The following RASAL2 variants were observed in gnomAD, a reference collection of about 807,000 sequenced individuals.
RASAL2 encodes ras GTPase-activating protein nGAP.
In RASAL2, 58 loss-of-function variants were observed where a neutral mutation model predicts 128.9. The observed-to-expected ratio is 0.45, with a 90% CI of 0.36 to 0.56. RASAL2 has a LOEUF of 0.56. RASAL2 is among the 20% of genes least tolerant of loss of function. RASAL2 has a pLI of 0.00. For synonymous variants in RASAL2, 561 were observed against 580.8 expected (o/e 0.97, Z 0.49); for missense variants, 1,360 against 1,601.6 (o/e 0.85, Z 2.57).
At chr1:178,355,744 G>A (rs1050808438) in intron 3 of RASAL2, among the ~76,000 whole-genome samples, 11 of 152,112 alleles carry the variant, frequency 7.2e-5, no homozygotes, top group African/African-American at 2.7e-4. Flanking sequence ...CAAGCATCCC[G>A]ACAAATTGAG....
chr1:178,410,654 G>A (rs1674302912), intron 4 of RASAL2, among the ~76,000 whole-genome samples: 1 of 151,010 alleles, frequency 6.6e-6, no homozygotes, highest in Non-Finnish European at 1.5e-5. Context: ...AATCTACCAG[G>A]AACTCAAACA....
chr1:178,365,158 T>C (rs1241074973), intron 3 of RASAL2, among the ~76,000 whole-genome samples: 1 of 152,172 alleles, frequency 6.6e-6, no homozygotes, highest in Non-Finnish European at 1.5e-5. Flanking sequence ...GGAATACTTC[T>C]GATGCTAACA....
At chr1:178,377,120 T>C (rs535029543) in intron 3 of RASAL2, among the ~76,000 whole-genome samples, 4 of 152,180 alleles carry the variant, frequency 2.6e-5, no homozygotes, top group Admixed American at 1.3e-4. Flanking sequence ...GGAATAGTTC[T>C]ATGAAAGAAT....
chr1:178,153,822 T>G (rs1660989521), intron 1 of RASAL2, among the ~76,000 whole-genome samples: 1 of 152,124 alleles, frequency 6.6e-6, no homozygotes, highest in Non-Finnish European at 1.5e-5. Flanking sequence ...ATAGATAATG[T>G]AATTCTATGA....
At chr1:178,268,078 T>C (rs188599747) in intron 1 of RASAL2, among the ~76,000 whole-genome samples, 1 of 151,984 alleles carries the variant, frequency 6.6e-6, no homozygotes, top group East Asian at 1.9e-4. Flanking sequence ...ACACCCATAA[T>C]CCTAGCAGTT....
At chr1:178,124,698 AT>A (rs1461553558) in intron 1 of RASAL2, among the ~76,000 whole-genome samples, 1 of 152,136 alleles carries the variant, frequency 6.6e-6, no homozygotes, top group Non-Finnish European at 1.5e-5. Flanking sequence ...AGAAAATGTT[AT>A]TTGTATTTTA....
intron 3 of RASAL2, among the ~76,000 whole-genome samples, chr1:178,369,471 G>T (rs1671586309): frequency 6.6e-6 from 1 of 151,996 alleles, no homozygotes; most frequent in Non-Finnish European, 1.5e-5. Context: ...TGATCTGCCT[G>T]CCTCAGCCTC....
chr1:178,357,285 C>T (rs1670858275), intron 3 of RASAL2, among the ~76,000 whole-genome samples: 1 of 150,124 alleles, frequency 6.7e-6, no homozygotes, highest in Non-Finnish European at 1.5e-5. Flanking sequence ...TGTCTTTATC[C>T]GGAATTTATT....
chr1:178,209,735 T>C (rs1174324739), intron 1 of RASAL2, among the ~76,000 whole-genome samples: 4 of 152,084 alleles, frequency 2.6e-5, no homozygotes, highest in Non-Finnish European at 5.9e-5. Flanking sequence ...CTCTCTTTCT[T>C]GGACTCTTAT....
intron 1 of RASAL2, among the ~76,000 whole-genome samples, chr1:178,124,868 T>TG (rs1659841003): frequency 1.3e-5 from 2 of 152,170 alleles, no homozygotes; most frequent in African/African-American, 4.8e-5. Flanking sequence ...TTTATTAAAA[T>TG]GGGTTAACTT....
intron 3 of RASAL2, among the ~76,000 whole-genome samples, chr1:178,333,509 A>G (rs1669442192): frequency 6.7e-6 from 1 of 149,692 alleles, no homozygotes; most frequent in Non-Finnish European, 1.5e-5. Flanking sequence ...AGTTATTTAT[A>G]TCCTATTGCT....
At chr1:178,429,576 T>C (rs189574270) in intron 5 of RASAL2, among the ~76,000 whole-genome samples, 46 of 152,232 alleles carry the variant, frequency 3.0e-4, no homozygotes, top group African/African-American at 1.1e-3. Context: ...AGAATCTGTT[T>C]TATCTAGGTG....
chr1:178,445,504 C>A lies in RASAL2; in HGVS notation c.1483-14C>A, dbSNP rs1323284284. On this transcript the variant is annotated splice_polypyrimidine_tract_variant and intron_variant, in intron 8 of 17. Coordinates refer to ENST00000367649, the MANE Select transcript of RASAL2 (RefSeq NM_170692.4). ...TTCAGTTGCTTTCTGCCTGATTGAA[C>A]ATTATTCTACCAGGATTTTCTGACT... is the stretch of plus-strand genomic sequence containing the variant. 6.2e-7 allele frequency: 1 copy of A among 1,610,448 alleles called. No homozygotes were observed. The highest frequency in any genetic ancestry group is 8.5e-7 in the Non-Finnish European group (1 of 1,178,324).
chr1:178,446,049 C>T (rs1448499699), intron 9 of RASAL2, among the ~76,000 whole-genome samples: 1 of 152,164 alleles, frequency 6.6e-6, no homozygotes. Context: ...ATGCAAAACT[C>T]TAATCAAAAG....
chr1:178,214,011 G>T (rs144136528), intron 1 of RASAL2, among the ~76,000 whole-genome samples: 1,786 of 152,086 alleles, frequency 0.012, 30 homozygotes, highest in African/African-American at 0.038. Flanking sequence ...ACTCCCAAAG[G>T]ATTGATAGCA....
intron 5 of RASAL2, among the ~76,000 whole-genome samples, chr1:178,438,881 C>CTCTGTGTGTGTGTGTGTGTG (rs1239809916): frequency 4.6e-5 from 6 of 129,392 alleles, no homozygotes; most frequent in African/African-American, 1.6e-4. Context: ...AGCTTCGACT[C>CTCTGTGTGTGTGTGTGTGTG]TGTGTGTGTG....
intron 3 of RASAL2, among the ~76,000 whole-genome samples, chr1:178,319,255 T>A (rs1668635384): frequency 6.6e-6 from 1 of 152,058 alleles, no homozygotes; most frequent in African/African-American, 2.4e-5. Context: ...CTTTGGTGAA[T>A]CTGACAATTA....
intron 1 of RASAL2, among the ~76,000 whole-genome samples, chr1:178,144,632 G>C (rs1571540653): frequency 6.6e-6 from 1 of 152,122 alleles, no homozygotes; most frequent in Non-Finnish European, 1.5e-5. Flanking sequence ...CTCTTTTTGG[G>C]AATGGGGTAA....
chr1:178,101,698 C>T (rs1021106489), intron 1 of RASAL2, among the ~76,000 whole-genome samples: 7 of 152,142 alleles, frequency 4.6e-5, no homozygotes, highest in Non-Finnish European at 8.8e-5. Flanking sequence ...GAAACTGGCT[C>T]AGGAAGTTTA....
Sources: gnomAD v4.1 joint callset for allele counts (sites outside exome capture counted in the v4.1 genomes callset) on GRCh38, gnomAD v4.1.1 for gene constraint, MANE v1.5 for transcripts, NCBI Gene and HGNC (gene_info 2026-07-23, HGNC 2026-07-21) for gene names.